AFG3L2: variants seen among roughly 807,000 people sequenced by gnomAD.
AFG3L2 encodes mitochondrial inner membrane m-AAA protease component AFG3L2.
A neutral mutation model predicts 94.5 loss-of-function variants in AFG3L2; 54 were observed. The ratio of observed to expected loss-of-function variants is 0.57; its 90% CI spans 0.46 to 0.72. The LOEUF is 0.72. Ranked by LOEUF, AFG3L2 falls within the 30% of genes least tolerant of loss-of-function variation. The probability of loss-of-function intolerance (pLI) is 0.00; values close to 1 mark genes in which losing one functional copy is unlikely to be tolerated. For synonymous variants in AFG3L2, 377 were observed against 365.5 expected (o/e 1.03, Z -0.36); for missense variants, 754 against 994.9 (o/e 0.76, Z 3.26).
At chr18:12,376,304 A>G (rs1189970432) in intron 1 of AFG3L2, among the ~76,000 whole-genome samples, 1 of 152,206 alleles carries the variant, frequency 6.6e-6, no homozygotes, top group Non-Finnish European at 1.5e-5. Context: ...TGAACCTTTC[A>G]TTGAGACTGA....
chr18:12,370,873 T>C lies in AFG3L2; in HGVS notation c.268A>G (p.Lys90Glu), dbSNP rs886053616. The C allele has an allele frequency of 5.0e-6, 8 of 1,588,170 alleles. No individual in the cohort carries two copies. In the East Asian group the frequency reaches 1.8e-4, roughly 36 times the overall value. ...GKNGKKASEP[K>E]EVMGEKKESK... ...CCTTTTTTCTCTCCCATAACTTCTT[T>C]AGGTTCACTAGCTTTTTTTCCATTT... The change falls in exon 3 of 17, where the codon AAA becomes GAA. Residue 90 changes from lysine to glutamate, a missense_variant. Physicochemically the swap from Lys to Glu is moderately conservative, Grantham distance 56. Around this residue, in one of 4 missense-constraint regions of AFG3L2, gnomAD observed 236 missense variants for 214.0 expected, o/e 1.10. Coordinates refer to ENST00000269143, the MANE Select transcript of AFG3L2 (RefSeq NM_006796.3).
rs762149668 is a variant in AFG3L2 at position 12,353,093 on chromosome 18, A to G, written c.1230T>C (p.Asp410=). 1 of 1,614,186 alleles carries G rather than the reference A, an allele frequency of 6.2e-7. No homozygotes were observed. Among genetic ancestry groups the G allele is most frequent in the Non-Finnish European group, 8.5e-7 (1 of 1,180,042 alleles). The change falls in exon 10 of 17, where the codon GAT becomes GAC. Residue 410 remains aspartate, a synonymous_variant. Transcript: ENST00000269143. ...APCILFIDEI[D]AVGRKRGRGN... is the part of the protein sequence containing the mutation. ...CTCTTCCTCTCTTCCTTCCCACCGCATCGATTTCATCGATGAAGAGGATGC... is the reference window on the plus strand; with the variant it reads ...CTCTTCCTCTCTTCCTTCCCACCGCGTCGATTTCATCGATGAAGAGGATGC...
At chr18:12,329,836 G>C in intron 16 of AFG3L2, 53 bp from the exon 17 acceptor site, 1 of 1,495,792 alleles carries the variant, frequency 6.7e-7, no homozygotes, top group South Asian at 1.1e-5. Context: ...AGTCTATTCA[G>C]AAATATTAAT....
In AFG3L2 at chr18:12,345,277, C is replaced by G. The variant is rs145295938; in HGVS notation, c.1664-1030G>C. 4.5e-3 allele frequency among the ~76,000 whole-genome samples: 688 copies of G among 152,382 alleles called. 5 individuals are homozygous for G. Among genetic ancestry groups the G allele is most frequent in the South Asian group, 8.5e-3 (41 of 4,830 alleles). On this transcript the variant is annotated intron_variant, in intron 13 of 16. Coordinates refer to ENST00000269143, the MANE Select transcript of AFG3L2 (RefSeq NM_006796.3). ...AGTGCTGACCGGACTCTAGTCTGAG[C>G]GTGATTCTTCTCTGGCCTGGATCAA...
chr18:12,340,133 CATAG>C, intron 15 of AFG3L2, 64 bp downstream of exon 15: 3 of 1,405,044 alleles, frequency 2.1e-6, no homozygotes, highest in Non-Finnish European at 3.0e-6. Context: ...CAGAGCCATT[CATAG>C]AATGTCAATT....
intron 15 of AFG3L2, among the ~76,000 whole-genome samples, chr18:12,338,867 G>T (rs1008606941): frequency 6.6e-6 from 1 of 152,034 alleles, no homozygotes; most frequent in African/African-American, 2.4e-5. Context: ...ACTTAAATCA[G>T]AACTAGAAAA....
chr18:12,346,660 T>C (rs907048667), intron 13 of AFG3L2, among the ~76,000 whole-genome samples: 9 of 152,096 alleles, frequency 5.9e-5, no homozygotes, highest in Non-Finnish European at 1.2e-4. Context: ...TCCGAACACT[T>C]TGGGAGGCCG....
At chr18:12,355,671 A>T (rs191468694) in intron 9 of AFG3L2, among the ~76,000 whole-genome samples, 3 of 147,690 alleles carry the variant, frequency 2.0e-5, no homozygotes, top group Non-Finnish European at 4.5e-5. Context: ...CCCGATTTAC[A>T]TATTTTTTTT....
intron 16 of AFG3L2, 49 bp from the exon 17 acceptor site, chr18:12,329,832 T>C (rs1952614900): frequency 6.7e-7 from 1 of 1,502,024 alleles, no homozygotes. Flanking sequence ...GCAAAGTCTA[T>C]TCAGAAATAT....
Position 12,330,678 on chromosome 18 carries a change from C to T in AFG3L2, c.2176-895G>A, listed in dbSNP as rs1257995491. Among the ~76,000 whole-genome samples, 7 of 150,752 alleles carry T rather than the reference C, an allele frequency of 4.6e-5. No homozygotes were observed. The South Asian group carries it at 1.3e-3, about 27-fold the overall frequency. The stretch of plus-strand genomic sequence containing the variant: ...CTGTAAGCCCAGCTACTCAGGAGGC[C>T]GAGGCAGGAGAATGGCTTGAACCCA... On this transcript the variant is annotated intron_variant, in intron 16 of 16. Coordinates refer to ENST00000269143, the MANE Select transcript of AFG3L2 (RefSeq NM_006796.3).
At chr18:12,347,979 C>A (rs1415851499) in intron 13 of AFG3L2, among the ~76,000 whole-genome samples, 3 of 152,176 alleles carry the variant, frequency 2.0e-5, no homozygotes, top group Non-Finnish European at 4.4e-5. Context: ...TGGGTAGACA[C>A]CTCGCTGCTG....
At chr18:12,336,642 T>C in intron 16 of AFG3L2, among the ~76,000 whole-genome samples, 1 of 152,206 alleles carries the variant, frequency 6.6e-6, no homozygotes, top group East Asian at 1.9e-4. Flanking sequence ...GCAGGCAAAA[T>C]AAATCTATTA....
At chr18:12,372,076 T>G (rs897409279) in intron 1 of AFG3L2, among the ~76,000 whole-genome samples, 2 of 152,070 alleles carry the variant, frequency 1.3e-5, no homozygotes, top group South Asian at 4.2e-4. Context: ...GAGGCCGAGG[T>G]GGGTGCATCA....
At chr18:12,348,517 T>C in intron 12 of AFG3L2, 134 bp from the exon 13 acceptor site, 2 of 744,514 alleles carry the variant, frequency 2.7e-6, no homozygotes, top group Admixed American at 4.1e-5. Flanking sequence ...GTAAATATAA[T>C]TCTGTTTTGA....
chr18:12,346,102 C>G (rs1488974483), intron 13 of AFG3L2, among the ~76,000 whole-genome samples: 1 of 152,310 alleles, frequency 6.6e-6, no homozygotes, highest in East Asian at 1.9e-4. Context: ...GCCAGCGCCT[C>G]ATTTCCTGTC....
chr18:12,331,858 T>A (rs984850749), intron 16 of AFG3L2, among the ~76,000 whole-genome samples: 4 of 52,914 alleles, frequency 7.6e-5, no homozygotes, highest in Non-Finnish European at 4.6e-5. Flanking sequence ...TATATATATA[T>A]ATAAAACAAG....
At chr18:12,369,822 C>T (rs527606194) in intron 3 of AFG3L2, among the ~76,000 whole-genome samples, 2 of 151,190 alleles carry the variant, frequency 1.3e-5, no homozygotes, top group East Asian at 1.9e-4. Context: ...TTTGGGAGGC[C>T]GAGGCAGGCG....
At chr18:12,349,877 G>A (rs1908258839) in intron 12 of AFG3L2, among the ~76,000 whole-genome samples, 2 of 151,948 alleles carry the variant, frequency 1.3e-5, no homozygotes, top group African/African-American at 4.8e-5. Context: ...GGCCAGGCTG[G>A]TCTTGAACTC....
rs1908034122 is a variant in AFG3L2 at position 12,343,850 on chromosome 18, C to T, written c.1779+282G>A. 3 of 505,942 alleles carry T rather than the reference C, an allele frequency of 5.9e-6. No homozygotes were observed. The Admixed American group carries it at 9.8e-5, about 16-fold the overall frequency. The allele number at this position is 505,942 out of a possible 1,614,324, so 31.3% of individuals were successfully genotyped here. On this transcript the variant is annotated intron_variant, in intron 14 of 16. Transcript: ENST00000269143. Reference sequence around the variant, plus strand: ...AACCCTTTGGCAAGAAAGCCACAGGCTCCCAGTTCAAACCCACTGCAACTG... The same window carrying T: ...AACCCTTTGGCAAGAAAGCCACAGGTTCCCAGTTCAAACCCACTGCAACTG...
Sources: allele counts gnomAD v4.1 joint callset (sites outside exome capture counted in the v4.1 genomes callset), GRCh38; gene constraint gnomAD v4.1.1; regional missense constraint gnomAD v4.1.1; transcripts MANE v1.5; gene names NCBI Gene and HGNC (gene_info 2026-07-23, HGNC 2026-07-21).